The following BTRC variants were observed in gnomAD, a reference collection of about 807,000 sequenced individuals.
The protein encoded by BTRC is beta-transducin repeat containing E3 ubiquitin protein ligase.
A neutral mutation model predicts 85.5 loss-of-function variants in BTRC; 42 were observed. That is an observed-to-expected ratio of 0.49 (90% confidence interval 0.38 to 0.64). BTRC has a LOEUF of 0.64. Among genes scored for constraint, BTRC ranks in the 30% least tolerant of loss-of-function variants. The pLI, the probability that BTRC is intolerant of heterozygous loss-of-function variation, is 0.00. For missense variants in BTRC, 594 were observed against 743.5 expected, an observed-to-expected ratio of 0.80 and a Z score of 2.34; for synonymous variants, 255 against 263.3, an observed-to-expected ratio of 0.97 and a Z score of 0.30.
At chr10:101,492,560 TA>T (rs1946160565) in intron 4 of BTRC, among the ~76,000 whole-genome samples, 2 of 152,188 alleles carry the variant, frequency 1.3e-5, no homozygotes. Flanking sequence ...ACTGATTTTT[TA>T]AAAAATCTGT....
At chr10:101,379,077 A>C (rs182853210) in intron 1 of BTRC, among the ~76,000 whole-genome samples, 1 of 152,364 alleles carries the variant, frequency 6.6e-6, no homozygotes, top group Admixed American at 6.5e-5. Flanking sequence ...ACAATTTAAA[A>C]GCTAGTCAAA....
rs551786571 is a variant in BTRC at position 101,525,903 on chromosome 10, G to A, written c.557-110G>A. 200 of 1,050,484 alleles carry A rather than the reference G, an allele frequency of 1.9e-4. No individual in the cohort carries two copies. The South Asian group carries it at 3.1e-3, about 17-fold the overall frequency. The allele number at this position is 1,050,484 out of a possible 1,614,324, so 65.1% of individuals were successfully genotyped here. ...GAAACTGGACCACACTAGGGACAAT[G>A]ATGTGCCTTCATAGCAGAACAAATG... On this transcript the variant is annotated intron_variant, in intron 5 of 14. Coordinates refer to ENST00000370187, the MANE Select transcript of BTRC (RefSeq NM_033637.4).
intron 13 of BTRC, among the ~76,000 whole-genome samples, chr10:101,547,631 A>T (rs1394545569): frequency 6.6e-6 from 1 of 151,910 alleles, no homozygotes; most frequent in African/African-American, 2.4e-5. Context: ...GAGCCACTGC[A>T]CCCGGCCATG....
intron 14 of BTRC, among the ~76,000 whole-genome samples, chr10:101,551,397 T>TC (rs1452400913): frequency 5.3e-5 from 8 of 152,154 alleles, no homozygotes; most frequent in African/African-American, 1.9e-4. Context: ...TATATCCCTA[T>TC]CCCTATTCCT....
intron 4 of BTRC, among the ~76,000 whole-genome samples, chr10:101,487,384 T>TA (rs1946017185): frequency 6.6e-6 from 1 of 152,206 alleles, no homozygotes; most frequent in Non-Finnish European, 1.5e-5. Context: ...AATAAATACT[T>TA]ACTTGCAGAC....
chr10:101,370,544 C>T (rs1308660722), intron 1 of BTRC, among the ~76,000 whole-genome samples: 1 of 152,118 alleles, frequency 6.6e-6, no homozygotes, highest in Non-Finnish European at 1.5e-5. Context: ...TCAAGATTTT[C>T]AATTTTTAAA....
chr10:101,368,511 A>T (rs1222420657), intron 1 of BTRC, among the ~76,000 whole-genome samples: 1 of 104,142 alleles, frequency 9.6e-6, no homozygotes, highest in East Asian at 3.3e-4. Flanking sequence ...ACAGGGTCTC[A>T]CTCTGTTGCC....
intron 3 of BTRC, among the ~76,000 whole-genome samples, chr10:101,478,880 A>G (rs1222002033): frequency 1.3e-5 from 2 of 150,950 alleles, no homozygotes; most frequent in Non-Finnish European, 3.0e-5. Context: ...CGGAGGTTGC[A>G]GTGAGCCGAG....
intron 3 of BTRC, among the ~76,000 whole-genome samples, chr10:101,476,412 G>A (rs1279112603): frequency 6.6e-6 from 1 of 152,154 alleles, no homozygotes; most frequent in Non-Finnish European, 1.5e-5. Flanking sequence ...CTGTAATTAT[G>A]TAAGATATTA....
intron 1 of BTRC, 36 bp downstream of exon 1, chr10:101,354,264 C>T (rs1005757804): frequency 6.5e-7 from 1 of 1,546,808 alleles, no homozygotes; most frequent in African/African-American, 1.4e-5. Flanking sequence ...ACGGTGGAGG[C>T]GCTGGCGTTG....
chr10:101,395,848 A>G (rs1364972203), intron 1 of BTRC, among the ~76,000 whole-genome samples: 3 of 152,160 alleles, frequency 2.0e-5, no homozygotes, highest in Non-Finnish European at 4.4e-5. Flanking sequence ...GTAGGGGACT[A>G]ATGGGAAATT....
In BTRC at chr10:101,526,035, T is replaced by C; in HGVS notation, c.579T>C (p.Ala193=). 8 of 1,614,198 alleles carry C rather than the reference T, an allele frequency of 5.0e-6. No individual in the cohort carries two copies. The South Asian group carries it at 8.8e-5, about 18-fold the overall frequency. The stretch of plus-strand genomic sequence containing the variant: ...AAGCTCGGGGATTGGATCATATTGC[T>C]GAGAACATTCTGTCATACCTGGATG... The part of the protein sequence containing the change: ...ALPARGLDHI[A]ENILSYLDAK... Residue 193 remains alanine (A), a synonymous_variant, in exon 6 of 15, where the codon GCT becomes GCC. Transcript: ENST00000370187.
At chr10:101,462,122 A>G in intron 3 of BTRC, 64 bp downstream of exon 3, 3 of 1,014,584 alleles carry the variant, frequency 3.0e-6, no homozygotes, top group Non-Finnish European at 4.3e-6. Flanking sequence ...ACAGGAGGAA[A>G]CCCTTGATTT....
In BTRC at chr10:101,535,361, A is replaced by G. The variant is rs1330418960; in HGVS notation, c.1355A>G (p.Asn452Ser). The G allele has an allele frequency of 1.2e-6, 2 of 1,612,464 alleles. No homozygotes were observed. Among genetic ancestry groups the G allele is most frequent in the Non-Finnish European group, 1.7e-6 (2 of 1,178,900 alleles). ...ASGDRTIKVW[N>S]TSTCEFVRTL... ...TGCCATTTTCTTTTTCAGGTATGGAACACAAGTACTTGTGAATTTGTAAGG... is the reference window on the plus strand; with the variant it reads ...TGCCATTTTCTTTTTCAGGTATGGAGCACAAGTACTTGTGAATTTGTAAGG... Residue 452 changes from asparagine to serine, a missense_variant, in exon 11 of 15, where the codon AAC becomes AGC. By Grantham distance (46) the Asn-to-Ser change is conservative. Around this residue, in one of 4 missense-constraint regions of BTRC, gnomAD observed 373 missense variants for 503.6 expected, o/e 0.74. Transcript: ENST00000370187.
intron 3 of BTRC, among the ~76,000 whole-genome samples, chr10:101,474,344 G>A (rs1211693724): frequency 6.6e-6 from 1 of 152,118 alleles, no homozygotes; most frequent in African/African-American, 2.4e-5. Context: ...ACATACTCTT[G>A]AATCTAAACT....
intron 11 of BTRC, 116 bp from the exon 12 acceptor site, chr10:101,536,427 G>A: frequency 1.4e-6 from 1 of 698,882 alleles, no homozygotes; most frequent in Non-Finnish European, 2.6e-6. Context: ...ATCTGTGTGG[G>A]TGGTGATTGA....
At chr10:101,401,473 G>A (rs1362621285) in intron 1 of BTRC, among the ~76,000 whole-genome samples, 3 of 151,956 alleles carry the variant, frequency 2.0e-5, no homozygotes, top group Admixed American at 2.0e-4. Context: ...TGGCTTTTTT[G>A]GTATAGAAAA....
At position 101,493,741 on chromosome 10, in the gene BTRC, ATAAAAAT is replaced by A. The variant is rs1353547872; in HGVS notation, c.324+14291_324+14297del. ...CCTTTCTAGCATTCCATATGAGATGATAAAAATTAAAAACGCCTCAATTAGCAGCCAC... is the reference window on the plus strand; with the variant it reads ...CCTTTCTAGCATTCCATATGAGATGATAAAAACGCCTCAATTAGCAGCCAC... On this transcript the variant is annotated intron_variant, in intron 4 of 14. Coordinates refer to ENST00000370187, the MANE Select transcript of BTRC (RefSeq NM_033637.4). Among the ~76,000 whole-genome samples, 5 of 152,356 alleles carry A rather than the reference ATAAAAAT, an allele frequency of 3.3e-5. No individual in the cohort carries two copies. In the East Asian group the frequency reaches 9.6e-4, roughly 29 times the overall value.
chr10:101,417,642 ATCC>A (rs1279757888), intron 1 of BTRC, among the ~76,000 whole-genome samples: 12 of 152,190 alleles, frequency 7.9e-5, no homozygotes, highest in African/African-American at 2.4e-4. Context: ...CTATTTAAGT[ATCC>A]TCCTCCTTAT....
Sources: allele counts gnomAD v4.1 joint callset (sites outside exome capture counted in the v4.1 genomes callset), GRCh38; gene constraint gnomAD v4.1.1; regional missense constraint gnomAD v4.1.1; transcripts MANE v1.5; gene names NCBI Gene and HGNC (gene_info 2026-07-23, HGNC 2026-07-21).